NBPF15: variants seen among roughly 807,000 people sequenced by gnomAD.
The protein encoded by NBPF15 is NBPF member 15.
A neutral mutation model predicts 62.2 loss-of-function variants in NBPF15; 74 were observed. The ratio of observed to expected loss-of-function variants is 1.19; its 90% CI spans 0.99 to 1.44. NBPF15 has a LOEUF of 1.44. Ranked by LOEUF, NBPF15 falls within the 40% of genes most tolerant of loss-of-function variation. NBPF15 has a pLI of 0.00. For missense variants in NBPF15, 790 were observed against 550.0 expected, an observed-to-expected ratio of 1.44 and a Z score of -4.36; for synonymous variants, 244 against 209.7, an observed-to-expected ratio of 1.16 and a Z score of -1.41.
At chr1:144,445,828 C>G (rs1369181969) in intron 6 of NBPF15, among the ~76,000 whole-genome samples, 2 of 146,512 alleles carry the variant, frequency 1.4e-5, no homozygotes, top group African/African-American at 5.0e-5. Flanking sequence ...GGTGTACTGG[C>G]CTTACATAAA....
At chr1:144,435,080 A>C in intron 12 of NBPF15, 31 bp downstream of exon 12, 1 of 1,611,882 alleles carries the variant, frequency 6.2e-7, no homozygotes, top group South Asian at 1.1e-5. Context: ...GCCTAGAGAG[A>C]GGTATGAGAC....
chr1:144,445,354 T>TATATATAC (rs1322315552), intron 6 of NBPF15, among the ~76,000 whole-genome samples: 25 of 104,472 alleles, frequency 2.4e-4, no homozygotes, highest in Non-Finnish European at 3.7e-4. Context: ...TATATATATA[T>TATATATAC]ACACACACAC....
At chr1:144,444,047 C>T (rs1382295822) in intron 6 of NBPF15, among the ~76,000 whole-genome samples, 1 of 151,696 alleles carries the variant, frequency 6.6e-6, no homozygotes, top group African/African-American at 2.4e-5. Flanking sequence ...TTTTAAAATC[C>T]ATCTGTAATG....
In NBPF15 at chr1:144,461,644, T is replaced by A. The variant is rs1156242638; in HGVS notation, c.-1201A>T. On this transcript the variant is annotated 5_prime_UTR_variant, in exon 1 of 22. Coordinates refer to ENST00000581897, the MANE Select transcript of NBPF15 (RefSeq NM_001385408.1). ...GCCTGCGCCAGCTGGCTCCTCAGGG[T>A]CCCGCCCGGCGCGTCAGGAGAGCCC... 2 of 151,970 alleles carry A rather than the reference T, an allele frequency of 1.3e-5. No homozygotes were observed. Among genetic ancestry groups the A allele is most frequent in the Non-Finnish European group, 2.9e-5 (2 of 68,214 alleles). The allele number at this position is 151,970 out of a possible 1,614,324, so 9.4% of individuals were successfully genotyped here.
In NBPF15 at chr1:144,427,113, G is replaced by T; in HGVS notation, c.1214-15C>A. On this transcript the variant is annotated splice_polypyrimidine_tract_variant and intron_variant, in intron 16 of 21. Coordinates refer to ENST00000581897, the MANE Select transcript of NBPF15 (RefSeq NM_001385408.1). ...CTTTTCAATTTCTGCAATAAGTTCA[G>T]ACATGGACAGACATATTAAGCTGGT... 2 of 562,914 alleles carry T rather than the reference G, an allele frequency of 3.6e-6. No individual in the cohort carries two copies. The highest frequency in any genetic ancestry group is 6.2e-6 in the Non-Finnish European group (2 of 322,890). 34.9% of individuals were successfully genotyped at this position (562,914 alleles called of 1,614,324 possible). A position where few individuals can be genotyped will look rare whatever the true frequency, so the allele number is the denominator to read the frequency against.
intron 8 of NBPF15, among the ~76,000 whole-genome samples, chr1:144,438,356 C>A (rs1680220483): frequency 6.6e-6 from 1 of 151,712 alleles, no homozygotes; most frequent in Admixed American, 6.6e-5. Context: ...GGCCACTTTC[C>A]CAAGCCTTGC....
chr1:144,445,027 C>T (rs1179139419), intron 6 of NBPF15, among the ~76,000 whole-genome samples: 3 of 151,424 alleles, frequency 2.0e-5, no homozygotes, highest in African/African-American at 2.4e-5. Flanking sequence ...CCAACAGGTG[C>T]TATTTTCAGC....
At chr1:144,432,714 GC>G (rs1553540416) in intron 13 of NBPF15, among the ~76,000 whole-genome samples, 1 of 151,950 alleles carries the variant, frequency 6.6e-6, no homozygotes, top group African/African-American at 2.4e-5. Flanking sequence ...GACAAAGAAG[GC>G]CACTACATAA....
chr1:144,448,212 G>A (rs1273981757), intron 6 of NBPF15, among the ~76,000 whole-genome samples: 30 of 152,064 alleles, frequency 2.0e-4, no homozygotes, highest in Non-Finnish European at 3.5e-4. Context: ...TGAAAAGGAG[G>A]AGGTACTGAA....
intron 8 of NBPF15, among the ~76,000 whole-genome samples, chr1:144,438,816 G>A (rs1330221572): frequency 6.6e-6 from 1 of 151,862 alleles, no homozygotes; most frequent in Admixed American, 6.6e-5. Context: ...CTTGGATGGA[G>A]CCCAGTAGAC....
rs1311705842 is a variant in NBPF15 at position 144,450,500 on chromosome 1, C to T, written c.-333+272G>A. ...ATCTGTAGTGAACCTGGAAAAATAG[C>T]TTGAGCTCTAGGAATAAAACACAGC... On this transcript the variant is annotated intron_variant, in intron 5 of 21. Coordinates refer to ENST00000581897, the MANE Select transcript of NBPF15 (RefSeq NM_001385408.1). Among the ~76,000 whole-genome samples, 19 of 151,404 alleles carry T rather than the reference C, an allele frequency of 1.3e-4. 1 individual carries two copies. Among genetic ancestry groups the T allele is most frequent in the Middle Eastern group, 3.4e-3 (1 of 294 alleles).
rs1553538777 is a variant in NBPF15, at chr1:144,423,969, T to C, written c.1670A>G (p.Glu557Gly). ...TCTTTTCTTCCCCTTCCCCTTCTTT[T>C]CAATTTCTGCAATAAATTCAGACAT... ...VGFSLDVGEI[E>G]KKGKGKKRRG... is the part of the protein sequence containing the mutation. Residue 557 changes from glutamate (E) to glycine (G), a missense_variant, in exon 21 of 22, where the codon GAA becomes GGA. Coordinates refer to ENST00000581897, the MANE Select transcript of NBPF15 (RefSeq NM_001385408.1). 15 of 767,250 alleles carry C rather than the reference T, an allele frequency of 2.0e-5. No homozygotes were observed. The South Asian group carries it at 2.0e-4, about 10-fold the overall frequency. 47.5% of individuals were successfully genotyped at this position (767,250 alleles called of 1,614,324 possible).
chr1:144,455,012 A>C (rs1553546525), intron 4 of NBPF15, among the ~76,000 whole-genome samples: 1 of 151,580 alleles, frequency 6.6e-6, no homozygotes, highest in African/African-American at 2.4e-5. Context: ...AAAAGGAAAG[A>C]AAAAGAGAGA....
In NBPF15 at chr1:144,451,771, G is replaced by C. The variant is rs587675022; in HGVS notation, c.-431-901C>G. Among the ~76,000 whole-genome samples the C allele has an allele frequency of 4.0e-3, 600 of 151,358 alleles. 7 individuals carry two copies. The highest frequency in any genetic ancestry group is 5.0e-3 in the Non-Finnish European group (339 of 67,898). ...AGATTAACAGCGTCTCAAGGCAAAA[G>C]AATTTTTCTTAGTACAGAACAAAAT... On this transcript the variant is annotated intron_variant, in intron 4 of 21. Transcript: ENST00000581897.
At chr1:144,459,600 T>C (rs1419932616) in intron 2 of NBPF15, 117 bp from the exon 3 acceptor site, 1 of 151,592 alleles carries the variant, frequency 6.6e-6, no homozygotes, top group Admixed American at 6.6e-5. Context: ...ATATATATCG[T>C]AGAAAGGACA....
Position 144,435,176 on chromosome 1 carries a change from A to C in NBPF15, c.707T>G (p.Val236Gly). 6.2e-7 allele frequency: 1 copy of C among 1,612,980 alleles called. No individual in the cohort carries two copies. The highest frequency in any genetic ancestry group is 8.5e-7 in the Non-Finnish European group (1 of 1,179,736). Reference sequence around the variant, plus strand: ...GGATGAGCCAATGAGAGTTGAGTCGACTTTGTCTTCCTCAAATGTGATTTT... The same window carrying C: ...GGATGAGCCAATGAGAGTTGAGTCGCCTTTGTCTTCCTCAAATGTGATTTT... ...KTKITFEEDK[V>G]DSTLIGSSSH... The change falls in exon 12 of 22, where the codon GTC (valine) becomes GGC (glycine). Residue 236 changes from valine to glycine, a missense_variant. By Grantham distance (109) the Val-to-Gly change is moderately radical. Coordinates refer to ENST00000581897, the MANE Select transcript of NBPF15 (RefSeq NM_001385408.1).
At chr1:144,423,299 A>T in intron 21 of NBPF15, 43 bp from the exon 22 acceptor site, 4 of 1,611,578 alleles carry the variant, frequency 2.5e-6, no homozygotes, top group Non-Finnish European at 3.4e-6. Flanking sequence ...AGGGAAAATC[A>T]GACACCACAG....
At chr1:144,433,304 G>A (rs1251248420) in intron 13 of NBPF15, among the ~76,000 whole-genome samples, 1 of 152,064 alleles carries the variant, frequency 6.6e-6, no homozygotes, top group Non-Finnish European at 1.5e-5. Flanking sequence ...TTAAAGCAAT[G>A]TGTAGAGGGA....
chr1:144,424,444 T>A, intron 20 of NBPF15, among the ~76,000 whole-genome samples: 1 of 152,098 alleles, frequency 6.6e-6, no homozygotes, highest in African/African-American at 2.4e-5. Flanking sequence ...CCAGGTCCAA[T>A]GTCATGAGAG....
Sources: gnomAD v4.1 joint callset for allele counts (sites outside exome capture counted in the v4.1 genomes callset) on GRCh38, gnomAD v4.1.1 for gene constraint, MANE v1.5 for transcripts, NCBI Gene and HGNC (gene_info 2026-07-23, HGNC 2026-07-21) for gene names.